The following DDI2 variants were observed in gnomAD, a reference collection of about 807,000 sequenced individuals.
The protein encoded by DDI2 is DDI proteasomal shuttling factor 2, also known as protein DDI1 homolog 2.
Under a neutral mutation model 48.1 loss-of-function variants are expected in DDI2, and 5 were observed. The observed-to-expected ratio is 0.10, with a 90% CI of 0.05 to 0.22. DDI2 has a LOEUF of 0.22. Ranked by LOEUF, DDI2 falls within the 10% of genes least tolerant of loss-of-function variation. The probability of loss-of-function intolerance (pLI) is 1.00; values close to 1 mark genes in which losing one functional copy is unlikely to be tolerated. For missense variants in DDI2, 285 were observed against 506.2 expected, an observed-to-expected ratio of 0.56 and a Z score of 4.19; for synonymous variants, 205 against 183.6, an observed-to-expected ratio of 1.12 and a Z score of -0.94.
intron 6 of DDI2, among the ~76,000 whole-genome samples, chr1:15,645,123 G>T (rs887624290): frequency 6.6e-6 from 1 of 151,974 alleles, no homozygotes; most frequent in African/African-American, 2.4e-5. Context: ...CAAATTCCTG[G>T]CCTCAAGTGA....
At chr1:15,629,551 C>A (rs1328804711) in intron 2 of DDI2, among the ~76,000 whole-genome samples, 1 of 148,380 alleles carries the variant, frequency 6.7e-6, no homozygotes, top group Non-Finnish European at 1.5e-5. Context: ...GAGGCAAGAT[C>A]GTGCCATTGC....
intron 2 of DDI2, among the ~76,000 whole-genome samples, chr1:15,629,360 C>T (rs558794449): frequency 3.3e-5 from 5 of 152,226 alleles, no homozygotes; most frequent in African/African-American, 1.2e-4. Flanking sequence ...CTTTGGGAGG[C>T]TGAGGTGGGT....
chr1:15,660,057 G>C lies in DDI2; in HGVS notation c.*267G>C. The C allele has an allele frequency of 6.2e-7, 1 of 1,613,678 alleles. No homozygotes were observed. The highest frequency in any genetic ancestry group is 8.5e-7 in the Non-Finnish European group (1 of 1,179,774). On this transcript the variant is annotated 3_prime_UTR_variant, in exon 10 of 10. Coordinates refer to ENST00000480945, the MANE Select transcript of DDI2 (RefSeq NM_032341.5). ...CTTTGAAGGCTTCAGCTGAATTCCA[G>C]CTAAACTCTGAAAAGAAAGAACATC...
At chr1:15,627,219 T>A (rs1192946339) in intron 2 of DDI2, among the ~76,000 whole-genome samples, 1 of 152,254 alleles carries the variant, frequency 6.6e-6, no homozygotes, top group Non-Finnish European at 1.5e-5. Flanking sequence ...AGCCAGGCAC[T>A]TGGAGCTGCA....
At chr1:15,624,642 T>TC (rs1302908568) in intron 1 of DDI2, among the ~76,000 whole-genome samples, 4 of 150,594 alleles carry the variant, frequency 2.7e-5, no homozygotes, top group East Asian at 1.9e-4. Context: ...TATTTAAAAT[T>TC]TTTTTTTTTT....
chr1:15,650,204 A>C, intron 7 of DDI2, among the ~76,000 whole-genome samples: 1 of 152,242 alleles, frequency 6.6e-6, no homozygotes, highest in East Asian at 1.9e-4. Flanking sequence ...CTTGGGAAGA[A>C]GACCTTCAAG....
intron 5 of DDI2, 135 bp from the exon 6 acceptor site, chr1:15,643,387 G>T: frequency 8.0e-7 from 1 of 1,246,408 alleles, no homozygotes; most frequent in South Asian, 1.8e-5. Flanking sequence ...CACTTGCTAG[G>T]TAGAAATGAG....
At chr1:15,638,568 T>C in intron 5 of DDI2, 134 bp downstream of exon 5, 1 of 1,022,984 alleles carries the variant, frequency 9.8e-7, no homozygotes, top group Non-Finnish European at 1.4e-6. Context: ...AGAGTCTTGC[T>C]CTGTCACCCA....
Position 15,651,694 on chromosome 1 carries a change from C to T in DDI2, c.994-12C>T, listed in dbSNP as rs1200435264. 3.8e-6 allele frequency: 6 copies of T among 1,588,536 alleles called. No homozygotes were observed. In the Admixed American group the frequency reaches 7.5e-5, roughly 20 times the overall value. ...TTTATCTGCTATTATTCTTTGGTTT[C>T]TTTCTTCCAAGTGTTCCATCGACCT... On this transcript the variant is annotated splice_polypyrimidine_tract_variant and intron_variant, in intron 7 of 9. Coordinates refer to ENST00000480945, the MANE Select transcript of DDI2 (RefSeq NM_032341.5).
rs1307400915 is a variant in DDI2 at position 15,626,718 on chromosome 1, C to T, written c.188C>T (p.Ser63Phe). Residue 63 changes from serine (S) to phenylalanine (F), a missense_variant, in exon 2 of 10, where the codon TCT becomes TTT. Coordinates refer to ENST00000480945, the MANE Select transcript of DDI2 (RefSeq NM_032341.5). ...ACAGACAACCACAGATCATTGGCTT[C>T]TTATGGCTTGAAAGATGGGGACGTT... is the stretch of plus-strand genomic sequence containing the variant. ...PLTDNHRSLA[S>F]YGLKDGDVVI... 2 of 1,614,200 alleles carry T rather than the reference C, an allele frequency of 1.2e-6. No individual in the cohort carries two copies. The highest frequency in any genetic ancestry group is 1.7e-6 in the Non-Finnish European group (2 of 1,180,044).
intron 2 of DDI2, among the ~76,000 whole-genome samples, chr1:15,627,934 A>G (rs10927815): frequency 0.034 from 5,110 of 152,304 alleles, 291 homozygotes; most frequent in African/African-American, 0.12. Context: ...GCCACAGTTA[A>G]ACTTTAGAAA....
chr1:15,640,544 A>G (rs1183464230), intron 5 of DDI2, among the ~76,000 whole-genome samples: 1 of 152,174 alleles, frequency 6.6e-6, no homozygotes, highest in African/African-American at 2.4e-5. Context: ...GGCTGTAGAG[A>G]CCACATTCTC....
rs541214148 is a variant in DDI2, at chr1:15,624,535, G to A, written c.139-2134G>A. 2.0e-5 allele frequency among the ~76,000 whole-genome samples: 3 copies of A among 152,128 alleles called. No homozygotes were observed. The South Asian group carries it at 6.2e-4, about 32-fold the overall frequency. On this transcript the variant is annotated intron_variant, in intron 1 of 9. Coordinates refer to ENST00000480945, the MANE Select transcript of DDI2 (RefSeq NM_032341.5). The stretch of plus-strand genomic sequence containing the variant: ...CAGGCTGGAGTGCAGTGGTGCAACC[G>A]CAGCTCACTACAGCCTGGACCTCCT...
intron 4 of DDI2, among the ~76,000 whole-genome samples, chr1:15,637,663 C>T (rs1002824275): frequency 4.6e-5 from 7 of 152,200 alleles, no homozygotes; most frequent in African/African-American, 1.7e-4. Flanking sequence ...CCACCGTGTG[C>T]GGCCAGCATG....
At position 15,651,779 on chromosome 1, in the gene DDI2, G is replaced by C. The variant is rs147295688; in HGVS notation, c.1067G>C (p.Gly356Ala). The C allele has an allele frequency of 8.7e-6, 14 of 1,614,074 alleles. No individual in the cohort carries two copies. The highest frequency in any genetic ancestry group is 1.2e-5 in the Non-Finnish European group (14 of 1,179,952). ...TCCCAGACCACCTTTCTTCCTGAGGGAGAGCTACCAGAGTGTGCCCGGTTG... is the reference window on the plus strand; with the variant it reads ...TCCCAGACCACCTTTCTTCCTGAGGCAGAGCTACCAGAGTGTGCCCGGTTG... ...TGSQTTFLPE[G>A]ELPECARLAY... The change falls in exon 8 of 10, where the codon GGA (glycine) becomes GCA (alanine). Residue 356 changes from glycine to alanine, a missense_variant. Coordinates refer to ENST00000480945, the MANE Select transcript of DDI2 (RefSeq NM_032341.5).
chr1:15,639,532 C>T (rs1011929402), intron 5 of DDI2, among the ~76,000 whole-genome samples: 2 of 152,154 alleles, frequency 1.3e-5, no homozygotes, highest in Admixed American at 6.6e-5. Context: ...GTGGTGCAGT[C>T]AGCTCACTTC....
intron 1 of DDI2, among the ~76,000 whole-genome samples, chr1:15,618,483 G>T (rs530156371): frequency 6.6e-6 from 1 of 152,202 alleles, no homozygotes; most frequent in East Asian, 1.9e-4. Context: ...TTCTACCCTG[G>T]TAGTAAGCCA....
chr1:15,630,490 A>G lies in DDI2; in HGVS notation c.434A>G (p.Asn145Ser), dbSNP rs1422219205. 2.5e-6 allele frequency: 4 copies of G among 1,614,074 alleles called. No homozygotes were observed. The highest frequency in any genetic ancestry group is 3.4e-6 in the Non-Finnish European group (4 of 1,180,042). Residue 145 changes from asparagine (N) to serine (S), a missense_variant, in exon 3 of 10, where the codon AAC (asparagine) becomes AGC (serine). Asn to Ser is a conservative substitution (Grantham distance 46). Transcript: ENST00000480945. ...PALLRDMLLA[N>S]PHELSLLKER... ...TTGCTCCGAGATATGTTGCTGGCCA[A>G]CCCGCATGAGCTGTCCTTGCTGAAG...
intron 1 of DDI2, among the ~76,000 whole-genome samples, chr1:15,622,378 G>A (rs1639679445): frequency 6.6e-6 from 1 of 152,024 alleles, no homozygotes; most frequent in Non-Finnish European, 1.5e-5. Context: ...TTTGTTAATA[G>A]AAGGCTCTCA....
Sources: allele counts gnomAD v4.1 joint callset (sites outside exome capture counted in the v4.1 genomes callset), GRCh38; gene constraint gnomAD v4.1.1; transcripts MANE v1.5; gene names NCBI Gene and HGNC (gene_info 2026-07-23, HGNC 2026-07-21).